The following PPP3CA variants were observed in gnomAD, a reference collection of about 807,000 sequenced individuals.
The protein encoded by PPP3CA is CAM-PRP catalytic subunit.
A neutral mutation model predicts 66.5 loss-of-function variants in PPP3CA; 14 were observed. The ratio of observed to expected loss-of-function variants is 0.21; its 90% CI spans 0.14 to 0.33. PPP3CA has a LOEUF of 0.33. Among genes scored for constraint, PPP3CA ranks in the 10% least tolerant of loss-of-function variants. The pLI is 1.00. For synonymous variants in PPP3CA, 232 were observed against 226.2 expected, an observed-to-expected ratio of 1.03 and a Z score of -0.23; for missense variants, 317 against 639.5, an observed-to-expected ratio of 0.50 and a Z score of 5.44.
chr4:101,164,562 G>GTTTT (rs36078367), intron 2 of PPP3CA, among the ~76,000 whole-genome samples: 1,787 of 142,152 alleles, frequency 0.013, 34 homozygotes, highest in African/African-American at 0.034. Context: ...TGGGATTTAA[G>GTTTT]TTTTTTTTTT....
At chr4:101,079,020 G>T (rs1449728034) in intron 8 of PPP3CA, among the ~76,000 whole-genome samples, 1 of 152,150 alleles carries the variant, frequency 6.6e-6, no homozygotes, top group Non-Finnish European at 1.5e-5. Flanking sequence ...TCACTATAGA[G>T]GAGGACCCAC....
At chr4:101,311,759 G>C (rs1728728973) in intron 1 of PPP3CA, among the ~76,000 whole-genome samples, 1 of 152,174 alleles carries the variant, frequency 6.6e-6, no homozygotes, top group South Asian at 2.1e-4. Flanking sequence ...CAGCCTGGGG[G>C]ATAGAAGGAT....
At chr4:101,200,801 T>C (rs935902309) in intron 1 of PPP3CA, among the ~76,000 whole-genome samples, 5 of 152,070 alleles carry the variant, frequency 3.3e-5, no homozygotes, top group Non-Finnish European at 7.4e-5. Flanking sequence ...GGAAGTGAAG[T>C]CCAGAGAGAG....
intron 1 of PPP3CA, among the ~76,000 whole-genome samples, chr4:101,220,889 T>C (rs1052815584): frequency 1.3e-5 from 2 of 151,754 alleles, no homozygotes; most frequent in African/African-American, 2.4e-5. Context: ...ATTCCTCTTG[T>C]AGTTTTATTG....
intron 1 of PPP3CA, among the ~76,000 whole-genome samples, chr4:101,242,625 G>A (rs1261473777): frequency 1.3e-5 from 2 of 152,030 alleles, no homozygotes; most frequent in African/African-American, 4.8e-5. Context: ...TGTCATTATC[G>A]AAATATGTTA....
At chr4:101,029,465 A>C (rs1726839195) in intron 12 of PPP3CA, among the ~76,000 whole-genome samples, 1 of 152,096 alleles carries the variant, frequency 6.6e-6, no homozygotes, top group Non-Finnish European at 1.5e-5. Flanking sequence ...CTAAATAAAT[A>C]ACAAACAACC....
chr4:101,152,408 T>C (rs1394499453), intron 2 of PPP3CA, among the ~76,000 whole-genome samples: 3 of 152,200 alleles, frequency 2.0e-5, no homozygotes. Context: ...GAAAAAGATT[T>C]TTCTTTTTAT....
rs1161860441 is a variant in PPP3CA, at chr4:101,275,818, TG to T, written c.58+70920del. On this transcript the variant is annotated intron_variant, in intron 1 of 13. Transcript: ENST00000394854. ...TACATCTTTTTTGTTTGTTTTGGGGTGGTGTGGTTTTTTTCGCTTTTTGTTT... is the reference window on the plus strand; with the variant it reads ...TACATCTTTTTTGTTTGTTTTGGGGTGTGTGGTTTTTTTCGCTTTTTGTTT... Among the ~76,000 whole-genome samples the T allele has an allele frequency of 1.3e-5, 2 of 151,818 alleles. 1 individual carries two copies. The highest frequency in any genetic ancestry group is 1.3e-4 in the Admixed American group (2 of 15,210).
At chr4:101,125,864 T>G (rs1169466329) in intron 2 of PPP3CA, among the ~76,000 whole-genome samples, 1 of 152,190 alleles carries the variant, frequency 6.6e-6, no homozygotes, top group Non-Finnish European at 1.5e-5. Flanking sequence ...GACATTTTAT[T>G]CTTTAGTTTA....
intron 2 of PPP3CA, among the ~76,000 whole-genome samples, chr4:101,153,253 C>T (rs1291643775): frequency 6.6e-6 from 1 of 151,990 alleles, no homozygotes; most frequent in African/African-American, 2.4e-5. Context: ...ATGAGGCAGG[C>T]ATTATTTTAA....
At chr4:101,047,926 T>C (rs1727839474) in intron 10 of PPP3CA, among the ~76,000 whole-genome samples, 2 of 152,196 alleles carry the variant, frequency 1.3e-5, no homozygotes, top group South Asian at 2.1e-4. Flanking sequence ...AGCACTAACA[T>C]ATGATAATTA....
chr4:101,302,824 A>G (rs1403572418), intron 1 of PPP3CA, among the ~76,000 whole-genome samples: 2 of 152,234 alleles, frequency 1.3e-5, no homozygotes, highest in Non-Finnish European at 2.9e-5. Flanking sequence ...ACAAGACAGA[A>G]GTTTCTGGCT....
In PPP3CA at chr4:101,038,068, C is replaced by T. The variant is rs566541195; in HGVS notation, c.1241+2414G>A. Among the ~76,000 whole-genome samples, 5 of 152,300 alleles carry T rather than the reference C, an allele frequency of 3.3e-5. No individual in the cohort carries two copies. In the South Asian group the frequency reaches 1.0e-3, roughly 32 times the overall value. The stretch of plus-strand genomic sequence containing the variant: ...AAGTCACCACAACCTTGCAAGCTTC[C>T]TGTGTCGATGATTGTCAAATGTGCA... On this transcript the variant is annotated intron_variant, in intron 11 of 13. Coordinates refer to ENST00000394854, the MANE Select transcript of PPP3CA (RefSeq NM_000944.5).
In PPP3CA at chr4:101,226,959, C is replaced by T. The variant is rs74968656; in HGVS notation, c.59-30843G>A. On this transcript the variant is annotated intron_variant, in intron 1 of 13. Coordinates refer to ENST00000394854, the MANE Select transcript of PPP3CA (RefSeq NM_000944.5). The stretch of plus-strand genomic sequence containing the variant: ...TTATTTTTTTATATGATGGACACGA[C>T]GCAGTACTGCAGGTACAAATGTTTA... Among the ~76,000 whole-genome samples, 1,113 of 151,798 alleles carry T rather than the reference C, an allele frequency of 7.3e-3. 6 individuals carry two copies. Among genetic ancestry groups the T allele is most frequent in the Non-Finnish European group, 0.013 (889 of 67,786 alleles).
chr4:101,059,281 A>G (rs1728357017), intron 10 of PPP3CA, among the ~76,000 whole-genome samples: 1 of 152,120 alleles, frequency 6.6e-6, no homozygotes, highest in Non-Finnish European at 1.5e-5. Flanking sequence ...ATGCCAATAT[A>G]TTTAAGTTCT....
intron 1 of PPP3CA, among the ~76,000 whole-genome samples, chr4:101,280,214 A>C (rs1242873705): frequency 6.6e-6 from 1 of 152,226 alleles, no homozygotes; most frequent in Non-Finnish European, 1.5e-5. Context: ...AAAATTAAGA[A>C]GAAAAAGTAG....
At chr4:101,320,914 A>G (rs1014847894) in intron 1 of PPP3CA, among the ~76,000 whole-genome samples, 2 of 152,186 alleles carry the variant, frequency 1.3e-5, no homozygotes, top group African/African-American at 4.8e-5. Flanking sequence ...CGGATCTACA[A>G]GATGGGTATT....
At chr4:101,252,220 G>A (rs1415102739) in intron 1 of PPP3CA, among the ~76,000 whole-genome samples, 2 of 152,104 alleles carry the variant, frequency 1.3e-5, no homozygotes, top group African/African-American at 4.8e-5. Flanking sequence ...CATGTCCTTA[G>A]CCAAAATGTC....
intron 1 of PPP3CA, among the ~76,000 whole-genome samples, chr4:101,333,693 A>T (rs1446906826): frequency 6.6e-6 from 1 of 152,154 alleles, no homozygotes; most frequent in Non-Finnish European, 1.5e-5. Context: ...TTTATTTTAA[A>T]ATAAGCTCAA....
Sources: gnomAD v4.1 joint callset for allele counts (sites outside exome capture counted in the v4.1 genomes callset) on GRCh38, gnomAD v4.1.1 for gene constraint, MANE v1.5 for transcripts, NCBI Gene and HGNC (gene_info 2026-07-23, HGNC 2026-07-21) for gene names.